PKD2: variants seen among roughly 807,000 people sequenced by gnomAD.
PKD2 encodes polycystin-2.
In PKD2, 48 loss-of-function variants were observed where a neutral mutation model predicts 105.9. The ratio of observed to expected loss-of-function variants is 0.45; its 90% CI spans 0.36 to 0.58. PKD2 has a LOEUF of 0.58. Among genes scored for constraint, PKD2 ranks in the 20% least tolerant of loss-of-function variants. The pLI is 0.00. For missense variants in PKD2, 1,078 were observed against 1,255.3 expected, an observed-to-expected ratio of 0.86 and a Z score of 2.13; for synonymous variants, 464 against 481.1, an observed-to-expected ratio of 0.96 and a Z score of 0.46.
chr4:88,019,606 T>G (rs550298998), intron 2 of PKD2, 35 bp downstream of exon 2: 4 of 1,161,720 alleles, frequency 3.4e-6, no homozygotes, highest in Non-Finnish European at 5.2e-6. Context: ...AATGGGAAAG[T>G]TTTGAAAAGA....
chr4:88,035,963 T>C, intron 2 of PKD2: 1 of 508,200 alleles, frequency 2.0e-6, no homozygotes. Context: ...TTCCTGATCT[T>C]ACATTGATAC....
chr4:88,037,837 A>T (rs1727397040), intron 3 of PKD2, among the ~76,000 whole-genome samples: 1 of 152,108 alleles, frequency 6.6e-6, no homozygotes, highest in South Asian at 2.1e-4. Context: ...ATCAAATGCC[A>T]GGCTGGTAAT....
Position 88,036,288 on chromosome 4 carries a change from ACCC to A in PKD2, c.781_783del (p.Pro261del). The A allele has an allele frequency of 1.2e-6, 2 of 1,613,866 alleles. No homozygotes were observed. The highest frequency in any genetic ancestry group is 1.7e-6 in the Non-Finnish European group (2 of 1,179,878). ...GATGATGTCACAGCTCTTCCTAGAC[ACCC>A]CCGTGTCCAAAACGGAGAAAACTAA... On this transcript the variant is annotated inframe_deletion, in exon 3 of 15. Transcript: ENST00000237596.
chr4:88,039,271 G>A (rs115175601), intron 4 of PKD2, among the ~76,000 whole-genome samples: 53 of 152,178 alleles, frequency 3.5e-4, no homozygotes, highest in African/African-American at 1.3e-3. Context: ...ATCCACATTT[G>A]TTACTATACA....
intron 13 of PKD2, among the ~76,000 whole-genome samples, chr4:88,070,819 G>A (rs915696555): frequency 1.3e-5 from 2 of 151,716 alleles, no homozygotes; most frequent in African/African-American, 4.8e-5. Context: ...AAAATTTGTA[G>A]AGATGGCATC....
chr4:88,051,758 G>A (rs1274177131), intron 6 of PKD2, among the ~76,000 whole-genome samples: 6 of 152,112 alleles, frequency 3.9e-5, no homozygotes, highest in African/African-American at 1.4e-4. Flanking sequence ...GCATGCCTTC[G>A]TTGAGTTTCT....
intron 11 of PKD2, 132 bp from the exon 12 acceptor site, chr4:88,065,630 G>A: frequency 2.5e-6 from 3 of 1,189,644 alleles, no homozygotes; most frequent in Non-Finnish European, 3.8e-6. Flanking sequence ...TATCTTTCTG[G>A]AACATGTTAT....
chr4:88,033,972 G>A (rs1727246307), intron 2 of PKD2, among the ~76,000 whole-genome samples: 1 of 152,170 alleles, frequency 6.6e-6, no homozygotes, highest in Non-Finnish European at 1.5e-5. Flanking sequence ...AGTTGGCTAG[G>A]CAGCACTCTC....
At chr4:88,044,307 T>C (rs1727689444) in intron 5 of PKD2, among the ~76,000 whole-genome samples, 1 of 152,090 alleles carries the variant, frequency 6.6e-6, no homozygotes, top group Admixed American at 6.6e-5. Context: ...TTAATCTTCC[T>C]GGTGAGCATG....
At position 88,024,945 on chromosome 4, in the gene PKD2, C is replaced by G. The variant is rs372520750; in HGVS notation, c.709+5374C>G. 2.2e-4 allele frequency among the ~76,000 whole-genome samples: 33 copies of G among 151,880 alleles called. No homozygotes were observed. The South Asian group carries it at 6.6e-3, about 31-fold the overall frequency. On this transcript the variant is annotated intron_variant, in intron 2 of 14. Transcript: ENST00000237596. Reference sequence around the variant, plus strand: ...GTCAGGAGTTCAAGACCAGCCCGGCCAAGATGGTGAAACCCCATCTCTACT... The same window carrying G: ...GTCAGGAGTTCAAGACCAGCCCGGCGAAGATGGTGAAACCCCATCTCTACT...
chr4:88,036,842 C>T (rs79493087), intron 3 of PKD2, among the ~76,000 whole-genome samples: 1 of 152,174 alleles, frequency 6.6e-6, no homozygotes, highest in Non-Finnish European at 1.5e-5. Context: ...TTCTGTCTTG[C>T]TTCGCCTTTT....
chr4:88,032,105 C>T (rs1452511433), intron 2 of PKD2, among the ~76,000 whole-genome samples: 2 of 151,920 alleles, frequency 1.3e-5, no homozygotes, highest in African/African-American at 4.8e-5. Context: ...GCTTTTTTGT[C>T]AAATTTCTAT....
chr4:88,062,396 T>A (rs1720607984), intron 10 of PKD2, among the ~76,000 whole-genome samples: 3 of 152,166 alleles, frequency 2.0e-5, no homozygotes, highest in Non-Finnish European at 2.9e-5. Context: ...ATTACCATTT[T>A]AAAAAAATAA....
chr4:88,048,695 C>T (rs1286086229), intron 6 of PKD2, among the ~76,000 whole-genome samples: 1 of 152,038 alleles, frequency 6.6e-6, no homozygotes, highest in African/African-American at 2.4e-5. Flanking sequence ...CCCATCAGAC[C>T]GTGATGCAGT....
chr4:88,024,830 T>C (rs1726896201), intron 2 of PKD2, among the ~76,000 whole-genome samples: 1 of 152,192 alleles, frequency 6.6e-6, no homozygotes, highest in African/African-American at 2.4e-5. Context: ...CTTCCATAAA[T>C]ATTTTATAGA....
At chr4:88,024,364 C>G (rs1366343785) in intron 2 of PKD2, among the ~76,000 whole-genome samples, 1 of 139,108 alleles carries the variant, frequency 7.2e-6, no homozygotes, top group Admixed American at 7.8e-5. Context: ...GGCTGAAGCA[C>G]AAGAATCACT....
At chr4:88,031,875 C>G (rs1727168591) in intron 2 of PKD2, among the ~76,000 whole-genome samples, 1 of 152,118 alleles carries the variant, frequency 6.6e-6, no homozygotes, top group South Asian at 2.1e-4. Flanking sequence ...GTATAATTTA[C>G]CAATGTAAAA....
chr4:88,058,714 T>G (rs1166459328), intron 9 of PKD2, among the ~76,000 whole-genome samples: 1 of 152,184 alleles, frequency 6.6e-6, no homozygotes, highest in Non-Finnish European at 1.5e-5. Flanking sequence ...AGTTTAAAAC[T>G]AAATGTAACA....
rs1720985536 is a variant in PKD2 at position 88,070,593 on chromosome 4, TA to T, written c.2522+2533del. ...TTTATTTTATATATATATATATATATATATATATAGAGAGAGAGAGAGAGAG... is the reference window on the plus strand; with the variant it reads ...TTTATTTTATATATATATATATATATTATATATAGAGAGAGAGAGAGAGAG... On this transcript the variant is annotated intron_variant, in intron 13 of 14. Transcript: ENST00000237596. Among the ~76,000 whole-genome samples the T allele has an allele frequency of 1.3e-4, 14 of 108,480 alleles. 1 individual carries two copies. Among genetic ancestry groups the T allele is most frequent in the Admixed American group, 1.0e-4 (1 of 10,012 alleles). The allele number at this position is 108,480 out of a possible 152,430, so 71.2% of individuals were successfully genotyped here. A position where few individuals can be genotyped will look rare whatever the true frequency, so the allele number is the denominator to read the frequency against.
Sources: gnomAD v4.1 joint callset for allele counts (sites outside exome capture counted in the v4.1 genomes callset) on GRCh38, gnomAD v4.1.1 for gene constraint, MANE v1.5 for transcripts, NCBI Gene and HGNC (gene_info 2026-07-23, HGNC 2026-07-21) for gene names.